The following UBXN11 variants were observed in gnomAD, a reference collection of about 807,000 sequenced individuals.
The protein encoded by UBXN11 is UBX domain-containing protein 11.
A neutral mutation model predicts 62.8 loss-of-function variants in UBXN11; 47 were observed. That is an observed-to-expected ratio of 0.75 (90% CI 0.59 to 0.95). UBXN11 has a LOEUF of 0.95. Among genes scored for constraint, UBXN11 ranks in the 40% least tolerant of loss-of-function variants. UBXN11 has a pLI of 0.00. For synonymous variants in UBXN11, 294 were observed against 267.0 expected, an observed-to-expected ratio of 1.10 and a Z score of -0.99; for missense variants, 638 against 661.7, an observed-to-expected ratio of 0.96 and a Z score of 0.39.
intron 8 of UBXN11, among the ~76,000 whole-genome samples, chr1:26,286,486 G>A (rs1485412903): frequency 6.6e-6 from 1 of 152,242 alleles, no homozygotes; most frequent in East Asian, 1.9e-4. Context: ...CCTTCTATCT[G>A]TGTGACCTTA....
intron 1 of UBXN11, among the ~76,000 whole-genome samples, chr1:26,303,453 GTC>G (rs1332872592): frequency 6.6e-6 from 1 of 151,868 alleles, no homozygotes; most frequent in African/African-American, 2.4e-5. Flanking sequence ...GTGAAACCCT[GTC>G]TCTACTAAAA....
intron 9 of UBXN11, 25 bp from the exon 10 acceptor site, chr1:26,285,566 G>A: frequency 6.5e-7 from 1 of 1,540,402 alleles, no homozygotes; most frequent in East Asian, 2.3e-5. Context: ...GAAAAGTGAG[G>A]GGGTGGCCTG....
intron 12 of UBXN11, among the ~76,000 whole-genome samples, 155 bp from the exon 13 acceptor site, chr1:26,283,092 A>C (rs2073039800): frequency 6.6e-6 from 1 of 152,102 alleles, no homozygotes; most frequent in East Asian, 1.9e-4. Flanking sequence ...GAGGAGAGGC[A>C]ATGGAAGGGG....
chr1:26,294,112 C>T (rs1420007944), intron 8 of UBXN11, 93 bp downstream of exon 8: 18 of 1,536,456 alleles, frequency 1.2e-5, no homozygotes, highest in South Asian at 2.5e-5. Flanking sequence ...GACCCGGGCA[C>T]GAATGAGATA....
chr1:26,301,765 C>G (rs1169112978), intron 2 of UBXN11, 43 bp from the exon 3 acceptor site: 2 of 1,612,108 alleles, frequency 1.2e-6, no homozygotes, highest in African/African-American at 1.3e-5. Context: ...TAAGTTAGGG[C>G]CCCTGGAATG....
At chr1:26,306,837 G>GGGGGGT (rs2073682363), upstream of UBXN11, 2 of 63,466 alleles carry the variant, frequency 3.2e-5, no homozygotes, top group Non-Finnish European at 7.1e-5. Context: ...GGTGGGGGGG[G>GGGGGGT]GGGGTGGTTC....
At position 26,282,320 on chromosome 1, in the gene UBXN11, TCC is replaced by T; in HGVS notation, c.1540_1541del (p.Gly514ThrfsTer?). ...GPGPGPSPCP[G>X]PSPSPQ ...TGCTTTATTGGGGGCTGGGACTGGG[TCC>T]AGGACAGGGACTGGGGCCGGGACCG... On this transcript the variant is annotated frameshift_variant, in exon 15 of 15. Transcript: ENST00000374222. LOFTEE classifies it high-confidence loss of function. 7.3e-7 allele frequency: 1 copy of T among 1,361,168 alleles called. No individual in the cohort carries two copies. The highest frequency in any genetic ancestry group is 1.4e-5 in the South Asian group (1 of 69,234). 84.3% of individuals were successfully genotyped at this position (1,361,168 alleles called of 1,614,324 possible).
intron 8 of UBXN11, among the ~76,000 whole-genome samples, chr1:26,293,724 CAAAAAA>C (rs1163207554): frequency 2.2e-4 from 6 of 26,920 alleles, no homozygotes; most frequent in South Asian, 3.0e-3. Context: ...GACTCCGTCT[CAAAAAA>C]AAAAAAAAAA....
At chr1:26,290,427 A>T (rs2124643637) in intron 8 of UBXN11, among the ~76,000 whole-genome samples, 1 of 152,264 alleles carries the variant, frequency 6.6e-6, no homozygotes, top group Middle Eastern at 3.4e-3. Context: ...CTCCCCACAG[A>T]GCAGCACAGC....
chr1:26,285,786 G>C, intron 9 of UBXN11, 37 bp downstream of exon 9: 1 of 1,562,590 alleles, frequency 6.4e-7, no homozygotes, highest in African/African-American at 1.3e-5. Context: ...GGGCAGCAGG[G>C]GCACTAGAGC....
chr1:26,284,513 G>A (rs747291619), intron 10 of UBXN11, 31 bp from the exon 11 acceptor site: 57 of 1,566,270 alleles, frequency 3.6e-5, no homozygotes, highest in East Asian at 1.8e-4. Context: ...CGACGGCAGC[G>A]GACCCAGCTC....
intron 12 of UBXN11, 120 bp downstream of exon 12, chr1:26,284,022 G>A (rs2073065342): frequency 3.9e-6 from 4 of 1,027,200 alleles, no homozygotes; most frequent in South Asian, 1.6e-5. Flanking sequence ...CAACAGCTCT[G>A]AGGGACTCAT....
At chr1:26,282,971 T>G (rs2073036666) in intron 12 of UBXN11, 34 bp from the exon 13 acceptor site, 1 of 1,613,678 alleles carries the variant, frequency 6.2e-7, no homozygotes, top group African/African-American at 1.3e-5. Flanking sequence ...GACAGAGCCC[T>G]AGGCCCCATT....
chr1:26,289,431 C>G (rs1343652605), intron 8 of UBXN11, among the ~76,000 whole-genome samples: 1 of 151,968 alleles, frequency 6.6e-6, no homozygotes, highest in African/African-American at 2.4e-5. Flanking sequence ...TCCCTTGGCC[C>G]TCGTCACAGG....
At chr1:26,314,680 G>A (rs544632097) in intron 1 of UBXN11, among the ~76,000 whole-genome samples, 1 of 152,316 alleles carries the variant, frequency 6.6e-6, no homozygotes, top group African/African-American at 2.4e-5. Context: ...GCCATGTTCT[G>A]TGCTTCGCTG....
chr1:26,296,081 A>G (rs766407442), intron 7 of UBXN11, among the ~76,000 whole-genome samples: 1 of 152,230 alleles, frequency 6.6e-6, no homozygotes, highest in Non-Finnish European at 1.5e-5. Flanking sequence ...TTTGGAAACC[A>G]ATTCTGCGTG....
At chr1:26,298,725 C>T (rs994342034) in intron 4 of UBXN11, among the ~76,000 whole-genome samples, 1 of 140,240 alleles carries the variant, frequency 7.1e-6, no homozygotes, top group African/African-American at 2.7e-5. Context: ...TGCAGTGAGC[C>T]AAGATCGCAC....
intron 8 of UBXN11, among the ~76,000 whole-genome samples, chr1:26,287,816 ACTTTT>A (rs1185816925): frequency 4.6e-5 from 7 of 151,930 alleles, no homozygotes; most frequent in African/African-American, 7.3e-5. Context: ...ATACCAAGAC[ACTTTT>A]CTTTTAACAA....
At chr1:26,285,336 G>A (rs1368125568) in intron 10 of UBXN11, 128 bp downstream of exon 10, 14 of 1,523,826 alleles carry the variant, frequency 9.2e-6, no homozygotes, top group South Asian at 1.2e-5. Context: ...TCCTCCTGGA[G>A]GGCATCAGAC....
Sources: allele counts gnomAD v4.1 joint callset (sites outside exome capture counted in the v4.1 genomes callset), GRCh38; gene constraint gnomAD v4.1.1; transcripts MANE v1.5; gene names NCBI Gene and HGNC (gene_info 2026-07-23, HGNC 2026-07-21).